Variants in CNTN5 observed in about 807,000 individuals in gnomAD.
CNTN5 encodes contactin-5.
Under a neutral mutation model 129.1 loss-of-function variants are expected in CNTN5, and 77 were observed. The ratio of observed to expected loss-of-function variants is 0.60; its 90% CI spans 0.50 to 0.72. The LOEUF (loss-of-function observed/expected upper bound fraction) is 0.72, where lower values mean the gene tolerates loss of function less well. Ranked by LOEUF, CNTN5 falls within the 30% of genes least tolerant of loss-of-function variation. The probability of loss-of-function intolerance (pLI) is 0.00; values close to 1 mark genes in which losing one functional copy is unlikely to be tolerated. For missense variants in CNTN5, 1,478 were observed against 1,328.8 expected (o/e 1.11, Z -1.75); for synonymous variants, 509 against 465.6 (o/e 1.09, Z -1.20).
At chr11:100,209,480 T>C (rs1948980439) in intron 15 of CNTN5, among the ~76,000 whole-genome samples, 1 of 152,202 alleles carries the variant, frequency 6.6e-6, no homozygotes, top group Non-Finnish European at 1.5e-5. Context: ...TTAACATTCT[T>C]TTTAACATGT....
chr11:99,251,685 A>G (rs780542456), intron 1 of CNTN5, among the ~76,000 whole-genome samples: 4 of 152,014 alleles, frequency 2.6e-5, no homozygotes, highest in Non-Finnish European at 4.4e-5. Context: ...TCTTTATTTT[A>G]TGTGGACGTA....
chr11:99,576,285 G>A (rs72995275), intron 3 of CNTN5, among the ~76,000 whole-genome samples: 9,419 of 152,156 alleles, frequency 0.062, 357 homozygotes, highest in Non-Finnish European at 0.074. Context: ...ATACCTTAAG[G>A]TATATGGAAT....
At chr11:99,673,510 T>C (rs996615877) in intron 3 of CNTN5, among the ~76,000 whole-genome samples, 4 of 152,114 alleles carry the variant, frequency 2.6e-5, no homozygotes, top group Non-Finnish European at 4.4e-5. Flanking sequence ...AAGTGTGACA[T>C]GGGGGTTTGT....
intron 3 of CNTN5, among the ~76,000 whole-genome samples, chr11:99,819,316 TCCCCTCCCCTCCCCTCCC>T (rs1946700851): frequency 7.1e-5 from 3 of 42,096 alleles, no homozygotes; most frequent in Non-Finnish European, 9.6e-5. Context: ...TCCCCTCTCC[TCCCCTCCCCTCCCCTCCC>T]CTCCTTTCCT....
chr11:99,971,989 C>A (rs1450761537), intron 8 of CNTN5, among the ~76,000 whole-genome samples: 1 of 149,084 alleles, frequency 6.7e-6, no homozygotes, highest in Admixed American at 6.7e-5. Context: ...GTGGCTCACG[C>A]CTGTAATCCC....
At chr11:99,794,255 T>A (rs1189175766) in intron 3 of CNTN5, among the ~76,000 whole-genome samples, 6 of 152,142 alleles carry the variant, frequency 3.9e-5, no homozygotes, top group Non-Finnish European at 7.4e-5. Context: ...ATTGCTTTTT[T>A]TTCTGTTTTC....
Position 100,218,863 on chromosome 11 carries a change from C to T in CNTN5, c.1885-5829C>T, listed in dbSNP as rs1003169442. 2.5e-4 allele frequency among the ~76,000 whole-genome samples: 38 copies of T among 152,036 alleles called. 1 individual carries two copies. The highest frequency in any genetic ancestry group is 7.9e-4 in the Admixed American group (12 of 15,276). ...GACCATCTTGTAGGCAAAAGGGAAC[C>T]AGTGATGATTTTTGAGGTGGTAAAT... On this transcript the variant is annotated intron_variant, in intron 15 of 24. Transcript: ENST00000524871.
chr11:99,685,933 A>G (rs551489658), intron 3 of CNTN5, among the ~76,000 whole-genome samples: 2 of 151,914 alleles, frequency 1.3e-5, no homozygotes, highest in Admixed American at 1.3e-4. Flanking sequence ...CTCTATTCCC[A>G]CTTCATAGTT....
chr11:99,178,695 A>G (rs921244129), intron 1 of CNTN5, among the ~76,000 whole-genome samples: 12 of 152,336 alleles, frequency 7.9e-5, no homozygotes, highest in African/African-American at 2.9e-4. Context: ...ATTAAAAATA[A>G]GTACTGTGTG....
At chr11:99,751,909 G>A (rs942810272) in intron 3 of CNTN5, among the ~76,000 whole-genome samples, 6 of 152,108 alleles carry the variant, frequency 3.9e-5, no homozygotes, top group Non-Finnish European at 8.8e-5. Context: ...TTTTTGCCCT[G>A]CTGTCCCTGC....
At chr11:99,513,555 G>A (rs923502562) in intron 2 of CNTN5, among the ~76,000 whole-genome samples, 13 of 152,212 alleles carry the variant, frequency 8.5e-5, no homozygotes, top group African/African-American at 2.9e-4. Flanking sequence ...TGCAGCTGGT[G>A]ACTAAGTTGA....
intron 1 of CNTN5, among the ~76,000 whole-genome samples, chr11:99,095,344 T>TA (rs1348915652): frequency 6.6e-6 from 1 of 151,932 alleles, no homozygotes; most frequent in Admixed American, 6.6e-5. Flanking sequence ...CTTGCCCCTG[T>TA]AAATTAGAGA....
chr11:99,811,030 G>A (rs1946413722), intron 3 of CNTN5, among the ~76,000 whole-genome samples: 1 of 152,038 alleles, frequency 6.6e-6, no homozygotes. Flanking sequence ...TTACACAAGA[G>A]CCTAAACAGA....
chr11:99,729,875 A>G (rs1943472121), intron 3 of CNTN5, among the ~76,000 whole-genome samples: 1 of 152,160 alleles, frequency 6.6e-6, no homozygotes, highest in African/African-American at 2.4e-5. Flanking sequence ...GGGGAGGGGA[A>G]CAACACACAT....
At position 100,186,866 on chromosome 11, in the gene CNTN5, A is replaced by G. The variant is rs138647912; in HGVS notation, c.1581-4260A>G. The stretch of plus-strand genomic sequence containing the variant: ...AATTCAATATTAAATTATCTAAGTA[A>G]TTACGTGTGCAATAACCAGACATTG... On this transcript the variant is annotated intron_variant, in intron 13 of 24. Transcript: ENST00000524871. 3.7e-3 allele frequency among the ~76,000 whole-genome samples: 565 copies of G among 152,290 alleles called. 4 individuals are homozygous for G. The highest frequency in any genetic ancestry group is 0.013 in the African/African-American group (544 of 41,568).
intron 13 of CNTN5, among the ~76,000 whole-genome samples, chr11:100,168,121 G>A (rs1302793781): frequency 6.6e-6 from 1 of 151,940 alleles, no homozygotes; most frequent in Non-Finnish European, 1.5e-5. Context: ...CCTTGAAGAG[G>A]TTGGTTCATG....
chr11:99,269,349 AT>A lies in CNTN5; in HGVS notation c.-209-55986del, dbSNP rs532043504. 2.3e-3 allele frequency among the ~76,000 whole-genome samples: 338 copies of A among 147,738 alleles called. 1 individual carries two copies. The highest frequency in any genetic ancestry group is 4.5e-3 in the Admixed American group (66 of 14,684). ...ATGACATATTTTTATTTGTTCCCTG[AT>A]TTTTTTTTTTAAATCGTGGGGGAGA... On this transcript the variant is annotated intron_variant, in intron 1 of 24. Transcript: ENST00000524871.
intron 23 of CNTN5, among the ~76,000 whole-genome samples, chr11:100,346,540 C>T (rs1384440142): frequency 6.6e-6 from 1 of 152,062 alleles, no homozygotes; most frequent in African/African-American, 2.4e-5. Flanking sequence ...AACTGTTATC[C>T]CTTCAGAAAA....
In CNTN5 at chr11:99,946,690, CT is replaced by C. The variant is rs376539466; in HGVS notation, c.674-10115del. Among the ~76,000 whole-genome samples the C allele has an allele frequency of 2.6e-3, 391 of 152,146 alleles. 3 individuals are homozygous for C. The highest frequency in any genetic ancestry group is 8.9e-3 in the African/African-American group (370 of 41,530). ...CATAGTATGTATATTACATATATCT[CT>C]GATAGAACATGAATGTTAGGTTCAA... On this transcript the variant is annotated intron_variant, in intron 7 of 24. Coordinates refer to ENST00000524871, the MANE Select transcript of CNTN5 (RefSeq NM_014361.4).
Sources: allele counts gnomAD v4.1 joint callset (sites outside exome capture counted in the v4.1 genomes callset), GRCh38; gene constraint gnomAD v4.1.1; transcripts MANE v1.5; gene names NCBI Gene and HGNC (gene_info 2026-07-23, HGNC 2026-07-21).